Variants in EPHA6 observed in about 807,000 individuals in gnomAD.
The protein encoded by EPHA6 is EPH receptor A6.
EPHA6 carries 50 observed loss-of-function variants against 112.0 expected under a neutral mutation model. The ratio of observed to expected loss-of-function variants is 0.45; its 90% CI spans 0.36 to 0.56. EPHA6 has a LOEUF of 0.56. Ranked by LOEUF, EPHA6 falls within the 20% of genes least tolerant of loss-of-function variation. EPHA6 has a pLI of 0.00. For missense variants in EPHA6, 1,280 were observed against 1,417.4 expected (o/e 0.90, Z 1.56); for synonymous variants, 529 against 490.7 (o/e 1.08, Z -1.03).
chr3:97,582,919 C>T (rs999570994), intron 11 of EPHA6, among the ~76,000 whole-genome samples: 9 of 151,896 alleles, frequency 5.9e-5, no homozygotes, highest in African/African-American at 1.9e-4. Context: ...CTCTTTTAAA[C>T]TTTGTTTATG....
At chr3:97,646,308 A>C in intron 14 of EPHA6, 1 of 1,512,382 alleles carries the variant, frequency 6.6e-7, no homozygotes, top group Non-Finnish European at 8.8e-7. Context: ...TAACCCTCCA[A>C]CAGTGAGTCT....
chr3:97,524,416 A>G (rs1249300827), intron 10 of EPHA6, among the ~76,000 whole-genome samples: 2 of 152,078 alleles, frequency 1.3e-5, no homozygotes, highest in Non-Finnish European at 2.9e-5. Context: ...AATAATTTAT[A>G]TCTACTTATA....
chr3:97,324,449 CTTT>C, intron 5 of EPHA6, among the ~76,000 whole-genome samples: 1 of 145,212 alleles, frequency 6.9e-6, no homozygotes, highest in Non-Finnish European at 1.5e-5. Context: ...TTCTTTCTTT[CTTT>C]CTTTCTTTCT....
chr3:97,241,752 CTTGT>C (rs2078851914), intron 4 of EPHA6, among the ~76,000 whole-genome samples: 1 of 124,260 alleles, frequency 8.0e-6, no homozygotes, highest in African/African-American at 3.2e-5. Context: ...TGTCAGCCTT[CTTGT>C]TTTTTTTTTT....
rs2077157685 is a variant in EPHA6 at position 97,187,002 on chromosome 3, A to T, written c.1115-39262A>T. Reference sequence around the variant, plus strand: ...TATCACACCTTAAAAAAATTGTTATAGCAACACCATACTTTTATAACCAAT... The same window carrying T: ...TATCACACCTTAAAAAAATTGTTATTGCAACACCATACTTTTATAACCAAT... On this transcript the variant is annotated intron_variant, in intron 3 of 17. Transcript: ENST00000389672. 1.3e-5 allele frequency among the ~76,000 whole-genome samples: 2 copies of T among 152,162 alleles called. 1 individual carries two copies. The highest frequency in any genetic ancestry group is 4.1e-4 in the South Asian group (2 of 4,834).
chr3:96,816,652 A>G (rs2032808421), intron 1 of EPHA6, among the ~76,000 whole-genome samples: 1 of 152,100 alleles, frequency 6.6e-6, no homozygotes, highest in African/African-American at 2.4e-5. Context: ...CCCATGCAAT[A>G]ATTTCCCCAA....
intron 5 of EPHA6, among the ~76,000 whole-genome samples, chr3:97,355,513 CA>C (rs1255869109): frequency 6.6e-6 from 1 of 151,080 alleles, no homozygotes; most frequent in African/African-American, 2.4e-5. Context: ...AACCCCAAGT[CA>C]AAAAACATAC....
In EPHA6 at chr3:97,079,762, T is replaced by C. The variant is rs868607046; in HGVS notation, c.1114+91769T>C. ...TCCATTGATGCAGCAAACTTTATTG[T>C]CTTATTTTAAGAAATTACCACAGCC... On this transcript the variant is annotated intron_variant, in intron 3 of 17. Coordinates refer to ENST00000389672, the MANE Select transcript of EPHA6 (RefSeq NM_001080448.3). 6.6e-5 allele frequency among the ~76,000 whole-genome samples: 10 copies of C among 152,190 alleles called. No homozygotes were observed. The South Asian group carries it at 8.3e-4, about 13-fold the overall frequency.
intron 9 of EPHA6, among the ~76,000 whole-genome samples, chr3:97,480,860 C>A (rs60198056): frequency 0.19 from 28,490 of 151,390 alleles, 3,992 homozygotes; most frequent in African/African-American, 0.38. Context: ...GGCAGAGGCG[C>A]TCCTCATATC....
chr3:97,338,945 C>T (rs1443664529), intron 5 of EPHA6, among the ~76,000 whole-genome samples: 2 of 152,222 alleles, frequency 1.3e-5, no homozygotes, highest in African/African-American at 2.4e-5. Context: ...CTGCCTCTAT[C>T]ATCTTCCCCA....
chr3:97,694,955 A>G (rs930374169), intron 14 of EPHA6, among the ~76,000 whole-genome samples: 1 of 152,210 alleles, frequency 6.6e-6, no homozygotes, highest in African/African-American at 2.4e-5. Context: ...GGGCAGTACC[A>G]TCTGATATGA....
intron 11 of EPHA6, among the ~76,000 whole-genome samples, chr3:97,553,376 C>T (rs1287280611): frequency 6.6e-6 from 1 of 152,026 alleles, no homozygotes; most frequent in Non-Finnish European, 1.5e-5. Context: ...TAAAGTAGCC[C>T]TCCCCAACCC....
intron 3 of EPHA6, among the ~76,000 whole-genome samples, chr3:97,063,733 G>A (rs2108131183): frequency 6.6e-6 from 1 of 152,118 alleles, no homozygotes; most frequent in South Asian, 2.1e-4. Context: ...AGAAAGGACA[G>A]GAGAAGCATA....
At chr3:97,720,509 C>T in intron 15 of EPHA6, 99 bp downstream of exon 15, 1 of 1,114,234 alleles carries the variant, frequency 9.0e-7, no homozygotes, top group South Asian at 1.9e-5. Context: ...TGGCCTTTAT[C>T]TTCCTGAGAA....
chr3:97,354,545 T>A (rs1190192849), intron 5 of EPHA6, among the ~76,000 whole-genome samples: 2 of 152,046 alleles, frequency 1.3e-5, no homozygotes, highest in Non-Finnish European at 2.9e-5. Context: ...ACAGGCTATT[T>A]GAAAATATAC....
Position 97,308,391 on chromosome 3 carries a change from T to C in EPHA6, c.1606+64104T>C, listed in dbSNP as rs946076429. Among the ~76,000 whole-genome samples the C allele has an allele frequency of 3.3e-5, 5 of 151,878 alleles. No homozygotes were observed. In the Middle Eastern group the frequency reaches 0.014, roughly 413 times the overall value. Reference sequence around the variant, plus strand: ...TAGCAAGCAAGTTTCTCTGAAATTTTGCCTTTCTATCTCTGTAGACAAATC... The same window carrying C: ...TAGCAAGCAAGTTTCTCTGAAATTTCGCCTTTCTATCTCTGTAGACAAATC... On this transcript the variant is annotated intron_variant, in intron 5 of 17. Transcript: ENST00000389672.
intron 10 of EPHA6, among the ~76,000 whole-genome samples, chr3:97,525,189 T>C (rs1055176593): frequency 2.0e-5 from 3 of 152,106 alleles, no homozygotes; most frequent in East Asian, 1.9e-4. Context: ...TTTTTTGATC[T>C]TTTTTTAATT....
intron 12 of EPHA6, among the ~76,000 whole-genome samples, chr3:97,596,887 T>TATAC (rs2093598106): frequency 6.0e-5 from 8 of 134,314 alleles, no homozygotes; most frequent in African/African-American, 2.0e-4. Flanking sequence ...TATATATATA[T>TATAC]ATATATATAT....
chr3:97,664,811 G>A (rs758899068), intron 14 of EPHA6, among the ~76,000 whole-genome samples: 2 of 152,112 alleles, frequency 1.3e-5, no homozygotes, highest in Admixed American at 1.3e-4. Context: ...ACTGCTCAAC[G>A]AAATAAAAGA....
Sources: allele counts gnomAD v4.1 joint callset (sites outside exome capture counted in the v4.1 genomes callset), GRCh38; gene constraint gnomAD v4.1.1; transcripts MANE v1.5; gene names NCBI Gene and HGNC (gene_info 2026-07-23, HGNC 2026-07-21).